Variants in ARHGAP15 observed in about 807,000 individuals in gnomAD.
ARHGAP15 encodes the protein rho GTPase-activating protein 15.
ARHGAP15 carries 51 observed loss-of-function variants against 63.7 expected under a neutral mutation model. The ratio of observed to expected loss-of-function variants is 0.80; its 90% CI spans 0.64 to 1.01. ARHGAP15 has a LOEUF of 1.01. Ranked by LOEUF, ARHGAP15 falls within the 50% of genes least tolerant of loss-of-function variation. The probability of loss-of-function intolerance (pLI) is 0.00; values close to 1 mark genes in which losing one functional copy is unlikely to be tolerated. For missense variants in ARHGAP15, 560 were observed against 564.6 expected (o/e 0.99, Z 0.08); for synonymous variants, 191 against 193.8 (o/e 0.99, Z 0.12).
intron 6 of ARHGAP15, among the ~76,000 whole-genome samples, chr2:143,378,687 G>A (rs1461104510): frequency 6.6e-6 from 1 of 151,968 alleles, no homozygotes; most frequent in Non-Finnish European, 1.5e-5. Context: ...TGATTGATGT[G>A]TTTTATCTCC....
chr2:143,348,637 A>G (rs1159054613), intron 6 of ARHGAP15, among the ~76,000 whole-genome samples: 1 of 152,130 alleles, frequency 6.6e-6, no homozygotes, highest in Non-Finnish European at 1.5e-5. Context: ...GTGTCCATGT[A>G]TGTTGGTCTG....
chr2:143,533,671 C>T (rs1694619303), intron 10 of ARHGAP15, among the ~76,000 whole-genome samples: 1 of 152,182 alleles, frequency 6.6e-6, no homozygotes, highest in African/African-American at 2.4e-5. Context: ...ACTGACACTT[C>T]TAAAAGCATG....
intron 6 of ARHGAP15, among the ~76,000 whole-genome samples, chr2:143,252,006 G>A (rs575800015): frequency 1.1e-3 from 169 of 152,094 alleles, no homozygotes; most frequent in African/African-American, 3.9e-3. Flanking sequence ...GAAGTAGACC[G>A]GGAAAGCTCA....
chr2:143,331,545 T>C (rs1255076099), intron 6 of ARHGAP15, among the ~76,000 whole-genome samples: 1 of 152,186 alleles, frequency 6.6e-6, no homozygotes, highest in African/African-American at 2.4e-5. Context: ...TGTTATCCTT[T>C]GAAAAGAAAT....
At chr2:143,459,280 G>C (rs193205882) in intron 8 of ARHGAP15, among the ~76,000 whole-genome samples, 12 of 151,786 alleles carry the variant, frequency 7.9e-5, no homozygotes, top group African/African-American at 2.9e-4. Context: ...CCAAGTTTTA[G>C]GATCAAGGTA....
At chr2:143,203,539 G>A (rs1036386323) in intron 3 of ARHGAP15, among the ~76,000 whole-genome samples, 1 of 152,036 alleles carries the variant, frequency 6.6e-6, no homozygotes, top group African/African-American at 2.4e-5. Flanking sequence ...CTCACTGTTT[G>A]GGTAGTGGGT....
chr2:143,290,405 T>C (rs1488642440), intron 6 of ARHGAP15, among the ~76,000 whole-genome samples: 4 of 150,404 alleles, frequency 2.7e-5, no homozygotes, highest in Admixed American at 1.3e-4. Context: ...AAGCCCAAAC[T>C]CGAGTTTGTC....
intron 6 of ARHGAP15, among the ~76,000 whole-genome samples, chr2:143,399,871 A>T (rs748531884): frequency 6.6e-6 from 1 of 152,004 alleles, no homozygotes; most frequent in Admixed American, 6.6e-5. Context: ...TCTCCTTCCA[A>T]CTTCAAAATG....
chr2:143,411,289 A>G (rs1688434309), intron 6 of ARHGAP15, among the ~76,000 whole-genome samples: 1 of 152,194 alleles, frequency 6.6e-6, no homozygotes, highest in Admixed American at 6.5e-5. Flanking sequence ...CCATAGCAGG[A>G]TTCATATTTT....
At chr2:143,649,610 C>T (rs918436700) in intron 12 of ARHGAP15, among the ~76,000 whole-genome samples, 1 of 151,940 alleles carries the variant, frequency 6.6e-6, no homozygotes, top group African/African-American at 2.4e-5. Context: ...CCAATGCTCT[C>T]CAACTTCTGG....
At chr2:143,387,117 G>T (rs546304698) in intron 6 of ARHGAP15, among the ~76,000 whole-genome samples, 1 of 151,998 alleles carries the variant, frequency 6.6e-6, no homozygotes, top group Non-Finnish European at 1.5e-5. Flanking sequence ...GTTTACTTGT[G>T]TAACAAACTT....
intron 6 of ARHGAP15, among the ~76,000 whole-genome samples, chr2:143,361,635 C>T (rs963356251): frequency 1.9e-4 from 29 of 151,926 alleles, no homozygotes; most frequent in African/African-American, 6.8e-4. Context: ...AAATAGTGTC[C>T]ATCTTTACTA....
At chr2:143,388,613 TATAC>T (rs772022529) in intron 6 of ARHGAP15, among the ~76,000 whole-genome samples, 1 of 152,246 alleles carries the variant, frequency 6.6e-6, no homozygotes, top group East Asian at 1.9e-4. Context: ...ATGTATAAAC[TATAC>T]ATACATACAT....
chr2:143,682,476 T>TTACATATA (rs1224991195), intron 12 of ARHGAP15, among the ~76,000 whole-genome samples: 1 of 152,170 alleles, frequency 6.6e-6, no homozygotes, highest in Non-Finnish European at 1.5e-5. Context: ...AAAAACATGA[T>TTACATATA]TACATATATA....
chr2:143,758,158 C>G (rs1012690517), intron 13 of ARHGAP15, among the ~76,000 whole-genome samples: 3 of 151,804 alleles, frequency 2.0e-5, no homozygotes, highest in African/African-American at 7.3e-5. Context: ...TTTATATGTA[C>G]TGACTTGGAA....
chr2:143,311,053 T>C (rs1683422810), intron 6 of ARHGAP15, among the ~76,000 whole-genome samples: 1 of 152,058 alleles, frequency 6.6e-6, no homozygotes, highest in African/African-American at 2.4e-5. Flanking sequence ...TTTCTCAAAA[T>C]ATGAACTTCA....
chr2:143,383,634 T>A lies in ARHGAP15; in HGVS notation c.475-51967T>A, dbSNP rs530542917. ...CTCAAACAATTCTTCAGTATGTTAA[T>A]TTGATTTAAATTTTTAAAAAGTTGA... is the stretch of plus-strand genomic sequence containing the variant. On this transcript the variant is annotated intron_variant, in intron 6 of 13. Coordinates refer to ENST00000295095, the MANE Select transcript of ARHGAP15 (RefSeq NM_018460.4). Among the ~76,000 whole-genome samples, 35 of 152,302 alleles carry A rather than the reference T, an allele frequency of 2.3e-4. No homozygotes were observed. In the South Asian group the frequency reaches 3.5e-3, roughly 15 times the overall value.
intron 8 of ARHGAP15, among the ~76,000 whole-genome samples, chr2:143,467,171 TG>T (rs779627293): frequency 6.7e-6 from 1 of 149,882 alleles, no homozygotes; most frequent in Non-Finnish European, 1.5e-5. Flanking sequence ...ATATATAGAC[TG>T]GGGAATCTAA....
intron 10 of ARHGAP15, among the ~76,000 whole-genome samples, chr2:143,537,837 G>C (rs955002674): frequency 1.9e-4 from 29 of 152,184 alleles, no homozygotes; most frequent in Admixed American, 1.8e-3. Flanking sequence ...TGTTCTTTTG[G>C]CTTAGGATTG....
Sources: allele counts gnomAD v4.1 joint callset (sites outside exome capture counted in the v4.1 genomes callset), GRCh38; gene constraint gnomAD v4.1.1; transcripts MANE v1.5; gene names NCBI Gene and HGNC (gene_info 2026-07-23, HGNC 2026-07-21).